CCDC60: variants seen among roughly 807,000 people sequenced by gnomAD.
CCDC60 encodes coiled-coil domain containing 60, also known as coiled-coil domain-containing protein 60.
Under a neutral mutation model 63.5 loss-of-function variants are expected in CCDC60, and 54 were observed. The observed-to-expected ratio is 0.85, with a 90% CI of 0.68 to 1.07. CCDC60 has a LOEUF of 1.07. Ranked by LOEUF, CCDC60 falls within the 50% of genes least tolerant of loss-of-function variation. CCDC60 has a pLI of 0.00. For missense variants in CCDC60, 651 were observed against 684.3 expected (o/e 0.95, Z 0.54); for synonymous variants, 206 against 238.8 (o/e 0.86, Z 1.27).
At chr12:119,336,333 C>G (rs1164054185) in intron 1 of CCDC60, among the ~76,000 whole-genome samples, 1 of 152,164 alleles carries the variant, frequency 6.6e-6, no homozygotes, top group Non-Finnish European at 1.5e-5. Flanking sequence ...GAGACACATT[C>G]CCGTTGCTAT....
chr12:119,475,464 T>C (rs1414053037), intron 3 of CCDC60, among the ~76,000 whole-genome samples: 1 of 152,258 alleles, frequency 6.6e-6, no homozygotes, highest in East Asian at 1.9e-4. Flanking sequence ...ATCGCTCCTC[T>C]TGTAGACTTT....
At chr12:119,448,340 G>A (rs576166798) in intron 2 of CCDC60, among the ~76,000 whole-genome samples, 5 of 152,254 alleles carry the variant, frequency 3.3e-5, no homozygotes, top group South Asian at 2.1e-4. Context: ...CAGACAGACC[G>A]AAATCCAAAT....
intron 1 of CCDC60, among the ~76,000 whole-genome samples, chr12:119,384,369 G>T (rs1348011494): frequency 6.6e-6 from 1 of 152,182 alleles, no homozygotes; most frequent in South Asian, 2.1e-4. Context: ...CTTCCTCCCT[G>T]CAGCTTCACC....
rs1427103920 is a variant in CCDC60 at position 119,445,447 on chromosome 12, A to AAAAAAAAAAATAAAAAAAAAAAAAT, written c.170+16694_170+16695insATAAAAAAAAAAAAATAAAAAAAAA. On this transcript the variant is annotated intron_variant, in intron 2 of 13. Coordinates refer to ENST00000327554, the MANE Select transcript of CCDC60 (RefSeq NM_178499.5). ...AGACTCCATCTCAAAAAAAAAAAAA[A>AAAAAAAAAAATAAAAAAAAAAAAAT]AAAAAAAAAGGAATGCTCTGAGAAG... 3.2e-4 allele frequency among the ~76,000 whole-genome samples: 47 copies of AAAAAAAAAAATAAAAAAAAAAAAAT among 148,834 alleles called. 3 individuals are homozygous for AAAAAAAAAAATAAAAAAAAAAAAAT. The South Asian group carries it at 9.8e-3, about 31-fold the overall frequency.
At chr12:119,468,450 G>C (rs1344671707) in intron 2 of CCDC60, among the ~76,000 whole-genome samples, 6 of 152,176 alleles carry the variant, frequency 3.9e-5, no homozygotes, top group Non-Finnish European at 8.8e-5. Flanking sequence ...AACATGAGCT[G>C]AGCAGATATG....
At chr12:119,338,132 A>T (rs945314949) in intron 1 of CCDC60, among the ~76,000 whole-genome samples, 2 of 152,064 alleles carry the variant, frequency 1.3e-5, no homozygotes, top group African/African-American at 4.8e-5. Flanking sequence ...GGAAATAATG[A>T]AGACCCCAGG....
intron 3 of CCDC60, among the ~76,000 whole-genome samples, chr12:119,474,077 T>G (rs890596404): frequency 1.2e-4 from 18 of 152,218 alleles, no homozygotes; most frequent in African/African-American, 4.3e-4. Context: ...CTAGTTTACA[T>G]TCCCGAAAAA....
chr12:119,406,256 C>A (rs576708534), intron 1 of CCDC60, among the ~76,000 whole-genome samples: 2 of 151,586 alleles, frequency 1.3e-5, no homozygotes, highest in African/African-American at 4.8e-5. Flanking sequence ...CCCTAGACAG[C>A]GTCTTTGACT....
intron 1 of CCDC60, among the ~76,000 whole-genome samples, chr12:119,417,770 G>C (rs957889746): frequency 6.6e-6 from 1 of 152,168 alleles, no homozygotes; most frequent in African/African-American, 2.4e-5. Context: ...TGTAGGTTCT[G>C]CTGGGCCACA....
chr12:119,337,079 A>G (rs1162238130), intron 1 of CCDC60, among the ~76,000 whole-genome samples: 2 of 152,198 alleles, frequency 1.3e-5, no homozygotes, highest in African/African-American at 2.4e-5. Context: ...AGGGCTCTCC[A>G]TGTGGTCCAA....
In CCDC60 at chr12:119,505,029, C is replaced by G. The variant is rs370697598; in HGVS notation, c.649-40C>G. On this transcript the variant is annotated intron_variant, in intron 6 of 13. Coordinates refer to ENST00000327554, the MANE Select transcript of CCDC60 (RefSeq NM_178499.5). ...TTCTTTCTTTCTTCCATCTTTTTCC[C>G]CCTCCTTCCTGAAACCTCTCTTTCT... 28 of 1,446,760 alleles carry G rather than the reference C, an allele frequency of 1.9e-5. No individual in the cohort carries two copies. In the African/African-American group the frequency reaches 3.0e-4, roughly 15 times the overall value. The allele number at this position is 1,446,760 out of a possible 1,614,324, so 89.6% of individuals were successfully genotyped here. A position where few individuals can be genotyped will look rare whatever the true frequency, so the allele number is the denominator to read the frequency against.
intron 1 of CCDC60, among the ~76,000 whole-genome samples, chr12:119,340,163 G>T (rs921455497): frequency 6.6e-6 from 1 of 152,096 alleles, no homozygotes; most frequent in African/African-American, 2.4e-5. Context: ...AGTTTCAGAG[G>T]TATTAAAATG....
At chr12:119,443,550 T>C (rs1184837863) in intron 2 of CCDC60, among the ~76,000 whole-genome samples, 1 of 152,096 alleles carries the variant, frequency 6.6e-6, no homozygotes, top group Non-Finnish European at 1.5e-5. Context: ...ACCCGCAACC[T>C]ACAAGAGTTC....
At chr12:119,524,357 C>T (rs1952620523) in intron 11 of CCDC60, 3 of 696,544 alleles carry the variant, frequency 4.3e-6, no homozygotes, top group Non-Finnish European at 5.3e-6. Context: ...TTTTTCTTCC[C>T]TGTTCTGATA....
intron 1 of CCDC60, among the ~76,000 whole-genome samples, chr12:119,424,952 A>G (rs2136226123): frequency 6.6e-6 from 1 of 152,328 alleles, no homozygotes; most frequent in South Asian, 2.1e-4. Flanking sequence ...CAGTCAATAC[A>G]AATCCACTCT....
intron 1 of CCDC60, among the ~76,000 whole-genome samples, chr12:119,411,570 T>C (rs1232043052): frequency 6.6e-6 from 1 of 152,180 alleles, no homozygotes; most frequent in Non-Finnish European, 1.5e-5. Context: ...GGTGATGTCA[T>C]CCAAGACCCT....
intron 1 of CCDC60, among the ~76,000 whole-genome samples, chr12:119,336,780 A>T (rs935283660): frequency 2.6e-5 from 4 of 152,256 alleles, no homozygotes; most frequent in African/African-American, 9.6e-5. Flanking sequence ...TAATGTGTTT[A>T]TGGGACATGA....
chr12:119,443,171 T>C (rs189412520), intron 2 of CCDC60, among the ~76,000 whole-genome samples: 1 of 152,366 alleles, frequency 6.6e-6, no homozygotes, highest in Admixed American at 6.5e-5. Flanking sequence ...CTCAGCCTTT[T>C]CTTTAATACC....
intron 12 of CCDC60, among the ~76,000 whole-genome samples, chr12:119,529,705 T>C (rs1952785450): frequency 6.6e-6 from 1 of 152,126 alleles, no homozygotes; most frequent in Non-Finnish European, 1.5e-5. Context: ...CATGAGTCTT[T>C]TAAGAGGGAC....
Sources: gnomAD v4.1 joint callset for allele counts (sites outside exome capture counted in the v4.1 genomes callset) on GRCh38, gnomAD v4.1.1 for gene constraint, MANE v1.5 for transcripts, NCBI Gene and HGNC (gene_info 2026-07-23, HGNC 2026-07-21) for gene names.